Variants in PKNOX2 observed in about 807,000 individuals in gnomAD.
PKNOX2 encodes the protein homeobox protein PKNOX2.
A neutral mutation model predicts 53.1 loss-of-function variants in PKNOX2; 14 were observed. The ratio of observed to expected loss-of-function variants is 0.26; its 90% CI spans 0.17 to 0.41. PKNOX2 has a LOEUF of 0.41. Ranked by LOEUF, PKNOX2 falls within the 10% of genes least tolerant of loss-of-function variation. PKNOX2 has a pLI of 1.00. For synonymous variants in PKNOX2, 257 were observed against 242.8 expected, an observed-to-expected ratio of 1.06 and a Z score of -0.54; for missense variants, 496 against 602.8, an observed-to-expected ratio of 0.82 and a Z score of 1.85.
At chr11:125,334,384 G>A (rs751009786) in intron 3 of PKNOX2, among the ~76,000 whole-genome samples, 3 of 152,162 alleles carry the variant, frequency 2.0e-5, no homozygotes, top group Non-Finnish European at 4.4e-5. Flanking sequence ...CATACTCAGG[G>A]TTCAGGAAGG....
chr11:125,188,974 A>G (rs1213870400), intron 1 of PKNOX2, among the ~76,000 whole-genome samples: 2 of 151,962 alleles, frequency 1.3e-5, no homozygotes, highest in African/African-American at 4.8e-5. Context: ...GCTAATTCCC[A>G]GTGTGGACAG....
intron 2 of PKNOX2, among the ~76,000 whole-genome samples, chr11:125,274,203 G>A (rs573553871): frequency 5.3e-5 from 8 of 152,300 alleles, no homozygotes; most frequent in African/African-American, 1.9e-4. Context: ...GAGCAATAGA[G>A]TAACTTGCCC....
intron 2 of PKNOX2, among the ~76,000 whole-genome samples, chr11:125,282,978 C>A (rs886727549): frequency 1.3e-5 from 2 of 152,026 alleles, no homozygotes; most frequent in African/African-American, 4.8e-5. Context: ...ATGGCAAAAC[C>A]CCATCTCTAC....
At chr11:125,328,897 A>C (rs955317102) in intron 2 of PKNOX2, among the ~76,000 whole-genome samples, 1 of 152,224 alleles carries the variant, frequency 6.6e-6, no homozygotes, top group African/African-American at 2.4e-5. Context: ...GGCATCTCTC[A>C]TACGCTGCTG....
In PKNOX2 at chr11:125,249,076, T is replaced by C. The variant is rs190099638; in HGVS notation, c.-130+13961T>C. 3.6e-3 allele frequency among the ~76,000 whole-genome samples: 404 copies of C among 111,230 alleles called. 1 individual carries two copies. The highest frequency in any genetic ancestry group is 6.4e-3 in the Non-Finnish European group (321 of 50,490). 73.0% of individuals were successfully genotyped at this position (111,230 alleles called of 152,430 possible). A position where few individuals can be genotyped will look rare whatever the true frequency, so the allele number is the denominator to read the frequency against. ...ATATATAATATATATAACACATATA[T>C]ACACACACACATGTTTATATGTGTG... On this transcript the variant is annotated intron_variant, in intron 2 of 12. Transcript: ENST00000298282.
chr11:125,282,163 C>T (rs944014866), intron 2 of PKNOX2, among the ~76,000 whole-genome samples: 1 of 152,228 alleles, frequency 6.6e-6, no homozygotes, highest in African/African-American at 2.4e-5. Flanking sequence ...GAAAAGCTGT[C>T]TGTCAGCTCC....
intron 1 of PKNOX2, among the ~76,000 whole-genome samples, chr11:125,186,294 C>A (rs1956444676): frequency 6.6e-6 from 1 of 152,162 alleles, no homozygotes; most frequent in Non-Finnish European, 1.5e-5. Flanking sequence ...GGATATTAAA[C>A]CCTTATCAGG....
At chr11:125,244,266 GT>G (rs1390108286) in intron 2 of PKNOX2, among the ~76,000 whole-genome samples, 1 of 152,264 alleles carries the variant, frequency 6.6e-6, no homozygotes, top group Non-Finnish European at 1.5e-5. Context: ...TCCCCTGTAG[GT>G]GGGTGTCTGG....
At chr11:125,252,092 C>T (rs546403207) in intron 2 of PKNOX2, among the ~76,000 whole-genome samples, 1 of 152,130 alleles carries the variant, frequency 6.6e-6, no homozygotes, top group Non-Finnish European at 1.5e-5. Context: ...AAGGCCACAG[C>T]GCTCGTCAAG....
chr11:125,308,192 T>A (rs994953658), intron 2 of PKNOX2, among the ~76,000 whole-genome samples: 1 of 152,242 alleles, frequency 6.6e-6, no homozygotes, highest in Non-Finnish European at 1.5e-5. Context: ...TGCTTCTTGC[T>A]GCCCCTTCCT....
At chr11:125,252,714 C>T (rs1189068825) in intron 2 of PKNOX2, among the ~76,000 whole-genome samples, 1 of 152,148 alleles carries the variant, frequency 6.6e-6, no homozygotes, top group Non-Finnish European at 1.5e-5. Context: ...CTCCCCCGGG[C>T]TGCGAGATGA....
chr11:125,222,933 T>C (rs1941361678), intron 1 of PKNOX2, among the ~76,000 whole-genome samples: 1 of 151,824 alleles, frequency 6.6e-6, no homozygotes, highest in Admixed American at 6.6e-5. Flanking sequence ...TAGTTAGGAG[T>C]GAATGCAAGC....
chr11:125,430,260 A>G (rs1439595464), intron 12 of PKNOX2, 119 bp downstream of exon 12: 5 of 1,208,356 alleles, frequency 4.1e-6, no homozygotes, highest in Middle Eastern at 5.5e-4. Flanking sequence ...CATCGCTGCC[A>G]TGCCACAGTG....
intron 5 of PKNOX2, among the ~76,000 whole-genome samples, chr11:125,384,654 C>T (rs1591551096): frequency 6.6e-6 from 1 of 152,266 alleles, no homozygotes; most frequent in South Asian, 2.1e-4. Context: ...CACTGCACTC[C>T]AGCCTGGGTG....
At chr11:125,176,756 A>G (rs1955737023) in intron 1 of PKNOX2, among the ~76,000 whole-genome samples, 1 of 152,104 alleles carries the variant, frequency 6.6e-6, no homozygotes, top group African/African-American at 2.4e-5. Flanking sequence ...ATCCCAGGCA[A>G]GGACTGAACA....
In PKNOX2 at chr11:125,417,731, G is replaced by A. The variant is rs558889766; in HGVS notation, c.936+5866G>A. 1.1e-3 allele frequency among the ~76,000 whole-genome samples: 166 copies of A among 152,054 alleles called. 2 individuals are homozygous for A. Among genetic ancestry groups the A allele is most frequent in the Admixed American group, 4.6e-4 (7 of 15,282 alleles). ...CAGCAGAGGCGTGGAGCCCCGTCCT[G>A]GGAGAGGTGTAGAGATTTTACATGT... is the stretch of plus-strand genomic sequence containing the variant. On this transcript the variant is annotated intron_variant, in intron 10 of 12. Coordinates refer to ENST00000298282, the MANE Select transcript of PKNOX2 (RefSeq NM_001382323.2).
At chr11:125,389,872 G>A (rs1953925059) in intron 6 of PKNOX2, among the ~76,000 whole-genome samples, 1 of 152,088 alleles carries the variant, frequency 6.6e-6, no homozygotes, top group Admixed American at 6.6e-5. Flanking sequence ...ACAGATTACG[G>A]CTGCCTGACC....
Position 125,232,987 on chromosome 11 carries a change from G to T in PKNOX2, c.-200-2058G>T, listed in dbSNP as rs1203529403. Among the ~76,000 whole-genome samples the T allele has an allele frequency of 4.6e-5, 7 of 152,090 alleles. No individual in the cohort carries two copies. The East Asian group carries it at 1.4e-3, about 29-fold the overall frequency. Reference sequence around the variant, plus strand: ...GAGTCTGTGAAAAAAAAGTGGGTTTGCACGTGGACGTAGGATATACTAATT... The same window carrying T: ...GAGTCTGTGAAAAAAAAGTGGGTTTTCACGTGGACGTAGGATATACTAATT... On this transcript the variant is annotated intron_variant, in intron 1 of 12. Transcript: ENST00000298282.
At chr11:125,350,786 G>A (rs1168354712) in intron 3 of PKNOX2, among the ~76,000 whole-genome samples, 1 of 152,144 alleles carries the variant, frequency 6.6e-6, no homozygotes, top group African/African-American at 2.4e-5. Flanking sequence ...CTTGGTGCTT[G>A]GGGACCCTGG....
Sources: allele counts gnomAD v4.1 joint callset (sites outside exome capture counted in the v4.1 genomes callset), GRCh38; gene constraint gnomAD v4.1.1; transcripts MANE v1.5; gene names NCBI Gene and HGNC (gene_info 2026-07-23, HGNC 2026-07-21).